CYFIP2: variants seen among roughly 807,000 people sequenced by gnomAD.
The protein encoded by CYFIP2 is cytoplasmic FMR1-interacting protein 2.
Under a neutral mutation model 158.7 loss-of-function variants are expected in CYFIP2, and 29 were observed. The observed-to-expected ratio is 0.18, with a 90% CI of 0.14 to 0.25. The LOEUF (loss-of-function observed/expected upper bound fraction) is 0.25. Among genes scored for constraint, CYFIP2 ranks in the 10% least tolerant of loss-of-function variants. The probability of loss-of-function intolerance (pLI) is 1.00; values close to 1 mark genes in which losing one functional copy is unlikely to be tolerated. For synonymous variants in CYFIP2, 585 were observed against 617.6 expected (o/e 0.95, Z 0.78); for missense variants, 852 against 1,639.5 (o/e 0.52, Z 8.29).
intron 26 of CYFIP2, among the ~76,000 whole-genome samples, chr5:157,379,665 T>C (rs1326458869): frequency 4.0e-5 from 1 of 24,922 alleles, no homozygotes; most frequent in Non-Finnish European, 6.9e-5. Context: ...CAAGACCCTG[T>C]CTCAAAAAAA....
At chr5:157,304,944 A>G (rs1163229803) in intron 8 of CYFIP2, among the ~76,000 whole-genome samples, 1 of 152,142 alleles carries the variant, frequency 6.6e-6, no homozygotes, top group African/African-American at 2.4e-5. Flanking sequence ...AGTCTATTAT[A>G]TCATTCTTAT....
At chr5:157,335,536 A>T (rs1195013888) in intron 21 of CYFIP2, among the ~76,000 whole-genome samples, 1 of 152,214 alleles carries the variant, frequency 6.6e-6, no homozygotes, top group Non-Finnish European at 1.5e-5. Context: ...TTGGCCTCCC[A>T]AGAGTCTTTT....
intron 30 of CYFIP2, 110 bp downstream of exon 30, chr5:157,390,778 G>A (rs375987366): frequency 1.6e-5 from 24 of 1,504,596 alleles, no homozygotes; most frequent in East Asian, 4.9e-5. Flanking sequence ...CTCCCCACAC[G>A]GCAAGTACAA....
chr5:157,371,133 T>C (rs1187523537), intron 26 of CYFIP2, among the ~76,000 whole-genome samples: 1 of 152,146 alleles, frequency 6.6e-6, no homozygotes, highest in African/African-American at 2.4e-5. Flanking sequence ...ATGGTGCAAG[T>C]GGGAAGCCTA....
chr5:157,358,593 G>A (rs1450609299), intron 23 of CYFIP2, among the ~76,000 whole-genome samples: 1 of 152,196 alleles, frequency 6.6e-6, no homozygotes, highest in Non-Finnish European at 1.5e-5. Context: ...TGTTGAACCA[G>A]CTGTTGAGTT....
chr5:157,366,946 C>T (rs1764429419), intron 26 of CYFIP2, among the ~76,000 whole-genome samples: 1 of 152,210 alleles, frequency 6.6e-6, no homozygotes, highest in Non-Finnish European at 1.5e-5. Context: ...TGAGGGAAGG[C>T]AGGCCTGAGT....
intron 1 of CYFIP2, among the ~76,000 whole-genome samples, chr5:157,277,663 C>A (rs375924453): frequency 1.1e-4 from 16 of 152,208 alleles, no homozygotes; most frequent in African/African-American, 1.7e-4. Context: ...ATTTCATGGG[C>A]AAACTCAGAT....
At chr5:157,341,594 C>T (rs1762261958) in intron 23 of CYFIP2, 1 of 166,926 alleles carries the variant, frequency 6.0e-6, no homozygotes, top group Non-Finnish European at 1.3e-5. Context: ...CAGGCAGAAA[C>T]AGCTGTGAGT....
At position 157,318,399 on chromosome 5, in the gene CYFIP2, A is replaced by G. The variant is rs572468949; in HGVS notation, c.1357-1363A>G. On this transcript the variant is annotated intron_variant, in intron 13 of 30. Coordinates refer to ENST00000620254, the MANE Select transcript of CYFIP2 (RefSeq NM_001037333.3). ...ATTATTTACTCCTTCCTTTTTCCTA[A>G]TGTCTCCTAGTTATATCTGTAGCCA... 5.9e-5 allele frequency among the ~76,000 whole-genome samples: 9 copies of G among 152,062 alleles called. No homozygotes were observed. In the East Asian group the frequency reaches 1.7e-3, roughly 29 times the overall value.
chr5:157,374,292 T>C (rs1294523062), intron 26 of CYFIP2, among the ~76,000 whole-genome samples: 1 of 152,190 alleles, frequency 6.6e-6, no homozygotes, highest in Non-Finnish European at 1.5e-5. Context: ...AATGGTATCC[T>C]TCCTCAGGAC....
intron 5 of CYFIP2, among the ~76,000 whole-genome samples, chr5:157,299,911 A>G (rs1275901441): frequency 2.6e-5 from 4 of 152,272 alleles, no homozygotes; most frequent in Middle Eastern, 3.4e-3. Context: ...AAACAAAACA[A>G]AACAAAACAA....
intron 1 of CYFIP2, among the ~76,000 whole-genome samples, chr5:157,285,070 T>C (rs1757269133): frequency 6.6e-6 from 1 of 152,216 alleles, no homozygotes; most frequent in Non-Finnish European, 1.5e-5. Context: ...TCATCAGTTA[T>C]ATGGATAGGG....
chr5:157,300,652 A>T, intron 5 of CYFIP2, 63 bp from the exon 6 acceptor site: 1 of 1,330,890 alleles, frequency 7.5e-7, no homozygotes, highest in Non-Finnish European at 9.7e-7. Flanking sequence ...GCCCTAGAGG[A>T]GCCTGGACCC....
intron 29 of CYFIP2, 112 bp from the exon 30 acceptor site, chr5:157,390,409 C>G: frequency 9.4e-7 from 1 of 1,058,668 alleles, no homozygotes; most frequent in Non-Finnish European, 1.3e-6. Context: ...GAGACTTGGC[C>G]CAAAGACAGG....
intron 23 of CYFIP2, chr5:157,343,412 C>T (rs751359513): frequency 1.2e-6 from 2 of 1,614,120 alleles, no homozygotes; most frequent in Non-Finnish European, 1.7e-6. Flanking sequence ...GCGAAGATAG[C>T]CAGAGAAGAT....
intron 26 of CYFIP2, chr5:157,376,859 T>A (rs1338339995): frequency 2.2e-6 from 1 of 456,256 alleles, no homozygotes; most frequent in Non-Finnish European, 4.4e-6. Context: ...AGGCCTCACA[T>A]CTAGTTGCCT....
chr5:157,388,755 G>C (rs871012), intron 28 of CYFIP2, among the ~76,000 whole-genome samples: 68,095 of 151,950 alleles, frequency 0.45, 15,853 homozygotes, highest in East Asian at 0.8. Context: ...AAAATGGGGA[G>C]AGTAATGGCA....
At position 157,341,130 on chromosome 5, in the gene CYFIP2, C is replaced by A. The variant is rs753773252; in HGVS notation, c.2646C>A (p.Val882=). Residue 882 remains valine, a synonymous_variant, in exon 23 of 31, where the codon GTC becomes GTA. Coordinates refer to ENST00000620254, the MANE Select transcript of CYFIP2 (RefSeq NM_001037333.3). ...QEPQRDKPAN[V]QPYYLYGSKP... ...CACAACGAGACAAACCTGCCAACGT[C>A]CAGCCTTATTACCTCTATGGATCCA... 1.9e-6 allele frequency: 3 copies of A among 1,613,910 alleles called. No individual in the cohort carries two copies. Among genetic ancestry groups the A allele is most frequent in the Non-Finnish European group, 1.7e-6 (2 of 1,179,894 alleles).
intron 12 of CYFIP2, among the ~76,000 whole-genome samples, 163 bp from the exon 13 acceptor site, chr5:157,314,806 G>C (rs1760010940): frequency 1.3e-5 from 2 of 152,222 alleles, no homozygotes; most frequent in East Asian, 1.9e-4. Flanking sequence ...TTTGTATCAG[G>C]CTTCTTTTCT....
Sources: allele counts gnomAD v4.1 joint callset (sites outside exome capture counted in the v4.1 genomes callset), GRCh38; gene constraint gnomAD v4.1.1; transcripts MANE v1.5; gene names NCBI Gene and HGNC (gene_info 2026-07-23, HGNC 2026-07-21).